SPATA31D1: variants seen among roughly 807,000 people sequenced by gnomAD.
SPATA31D1 encodes the protein SPATA31 subfamily D member 1.
SPATA31D1 carries 6 observed loss-of-function variants against 13.2 expected under a neutral mutation model. The observed-to-expected ratio is 0.46, with a 90% CI of 0.25 to 0.90. SPATA31D1 has a LOEUF of 0.90. SPATA31D1 is among the 40% of genes least tolerant of loss of function. The pLI is 0.18. For synonymous variants in SPATA31D1, 903 were observed against 718.8 expected (o/e 1.26, Z -4.10); for missense variants, 2,445 against 1,884.7 (o/e 1.30, Z -5.50).
At chr9:81,988,350 T>A (rs979415560), upstream of SPATA31D1, among the ~76,000 whole-genome samples, 19 of 152,184 alleles carry the variant, frequency 1.2e-4, no homozygotes, top group Admixed American at 6.5e-4. Flanking sequence ...TATATCTGCA[T>A]TTATGTAAGG....
At chr9:81,990,551 C>T (rs1824931605) in intron 3 of SPATA31D1, 65 bp downstream of exon 3, 1 of 1,476,888 alleles carries the variant, frequency 6.8e-7, no homozygotes, top group Admixed American at 2.1e-5. Context: ...ACGTTCTATT[C>T]ATTTCAGGGA....
At position 81,992,471 on chromosome 9, in the gene SPATA31D1, T is replaced by C. The variant is rs1346288204; in HGVS notation, c.2001T>C (p.His667=). Residue 667 remains histidine, a synonymous_variant, in exon 4 of 4, where the codon CAT becomes CAC. Coordinates refer to ENST00000344803, the MANE Select transcript of SPATA31D1 (RefSeq NM_001001670.3). The part of the protein sequence containing the change: ...PELVRKSFKV[H]VPISIIPGDF... ...TGGTCAGAAAGTCCTTCAAGGTCCA[T>C]GTTCCGATCTCCATCATTCCTGGAG... 10 of 1,612,054 alleles carry C rather than the reference T, an allele frequency of 6.2e-6. No homozygotes were observed. The highest frequency in any genetic ancestry group is 1.1e-5 in the South Asian group (1 of 91,012).
Position 81,990,434 on chromosome 9 carries a change from A to G in SPATA31D1, c.250A>G (p.Ser84Gly). The change falls in exon 3 of 4, where the codon AGT becomes GGT. Residue 84 changes from serine to glycine, a missense_variant. Transcript: ENST00000344803. The stretch of plus-strand genomic sequence containing the variant: ...CTATTCAGGTTTCCCAGACTGGAAA[A>G]GTTTCCAGAGAGAAGAGGAAGAGGA... ...GTFKGFPDWKSFQREEEEERK... is the reference protein window; with the variant it reads ...GTFKGFPDWKGFQREEEEERK... The G allele has an allele frequency of 6.2e-7, 1 of 1,607,910 alleles. No homozygotes were observed. Among genetic ancestry groups the G allele is most frequent in the Non-Finnish European group, 8.5e-7 (1 of 1,177,064 alleles).
rs1363156785 is a variant in SPATA31D1, at chr9:81,991,301, C to T, written c.831C>T (p.Thr277=). ...SLNTIFSFGS[T]LCQDISQAMN... is the part of the protein sequence containing the mutation. ...ACACCATCTTTTCATTTGGCTCCACCCTATGCCAAGATATTTCGCAGGCCA... is the reference window on the plus strand; with the variant it reads ...ACACCATCTTTTCATTTGGCTCCACTCTATGCCAAGATATTTCGCAGGCCA... Residue 277 remains threonine (T), a synonymous_variant, in exon 4 of 4, where the codon ACC becomes ACT. Transcript: ENST00000344803. The T allele has an allele frequency of 2.5e-6, 4 of 1,614,030 alleles. No homozygotes were observed. The East Asian group carries it at 8.9e-5, about 36-fold the overall frequency.
Position 81,991,096 on chromosome 9 carries a change from C to T in SPATA31D1, c.626C>T (p.Ala209Val). 1.2e-6 allele frequency: 2 copies of T among 1,613,714 alleles called. No homozygotes were observed. The highest frequency in any genetic ancestry group is 1.1e-5 in the South Asian group (1 of 91,072). ...ILSPDLITTLADLFSPSPLRD... is the reference protein window; with the variant it reads ...ILSPDLITTLVDLFSPSPLRD... ...TCACCTGACCTGATCACCACCTTAGCTGACTTATTTTCACCCTCACCACTG... is the reference window on the plus strand; with the variant it reads ...TCACCTGACCTGATCACCACCTTAGTTGACTTATTTTCACCCTCACCACTG... Residue 209 changes from alanine (A) to valine (V), a missense_variant, in exon 4 of 4, where the codon GCT becomes GTT. By Grantham distance (64) the Ala-to-Val change is moderately conservative (BLOSUM62 0). Coordinates refer to ENST00000344803, the MANE Select transcript of SPATA31D1 (RefSeq NM_001001670.3).
In SPATA31D1 at chr9:81,988,966, T is replaced by C; in HGVS notation, c.148T>C (p.Tyr50His). The change falls in exon 1 of 4, where the codon TAT becomes CAT. Residue 50 changes from tyrosine to histidine, a missense_variant. Coordinates refer to ENST00000344803, the MANE Select transcript of SPATA31D1 (RefSeq NM_001001670.3). ...CTTGTTCTACGTGGTATTGACCCTG[T>C]ATTCGTCACCCACCGAAAAAAATAA... The part of the protein sequence containing the change: ...LYLFYVVLTL[Y>H]SSPTEKNNDI... 1.2e-6 allele frequency: 2 copies of C among 1,611,672 alleles called. No homozygotes were observed. Among genetic ancestry groups the C allele is most frequent in the Non-Finnish European group, 1.7e-6 (2 of 1,179,636 alleles).
Position 81,994,820 on chromosome 9 carries a change from A to G in SPATA31D1, c.4350A>G (p.Arg1450=), listed in dbSNP as rs766827428. ...KAQHNPEVHV[R]AEPVQGCPCN... is the part of the protein sequence containing the mutation. ...AGCACAACCCAGAAGTGCATGTCAGAGCAGAGCCTGTCCAGGGCTGTCCCT... is the reference window on the plus strand; with the variant it reads ...AGCACAACCCAGAAGTGCATGTCAGGGCAGAGCCTGTCCAGGGCTGTCCCT... Residue 1450 remains arginine (R), a synonymous_variant, in exon 4 of 4, where the codon AGA becomes AGG. Coordinates refer to ENST00000344803, the MANE Select transcript of SPATA31D1 (RefSeq NM_001001670.3). 45 of 1,613,826 alleles carry G rather than the reference A, an allele frequency of 2.8e-5. No individual in the cohort carries two copies. In the East Asian group the frequency reaches 9.1e-4, roughly 33 times the overall value.
Position 81,994,427 on chromosome 9 carries a change from G to C in SPATA31D1, c.3957G>C (p.Lys1319Asn), listed in dbSNP as rs1202359767. 1.9e-6 allele frequency: 3 copies of C among 1,613,638 alleles called. No individual in the cohort carries two copies. The African/African-American group carries it at 4.0e-5, about 22-fold the overall frequency. The change falls in exon 4 of 4, where the codon AAG (lysine) becomes AAC (asparagine). Residue 1319 changes from lysine to asparagine, a missense_variant. Coordinates refer to ENST00000344803, the MANE Select transcript of SPATA31D1 (RefSeq NM_001001670.3). ...TGGGGACATCCCAACGCAGGAGAAA[G>C]AGCCTCCCTGTTCATAACAAGACAT... ...AGLGTSQRRR[K>N]SLPVHNKTSG...
Position 81,994,354 on chromosome 9 carries a change from G to C in SPATA31D1, c.3884G>C (p.Ser1295Thr). The change falls in exon 4 of 4, where the codon AGT becomes ACT. Residue 1295 changes from serine (S) to threonine (T), a missense_variant. Physicochemically the swap from Ser to Thr is moderately conservative, Grantham distance 58. Transcript: ENST00000344803. The part of the protein sequence containing the change: ...TNFPPAVNRV[S>T]PVRPKGGELD... The stretch of plus-strand genomic sequence containing the variant: ...TTCCCACCAGCTGTAAACAGAGTGA[G>C]TCCTGTGAGACCCAAAGGAGGAGAG... The C allele has an allele frequency of 6.2e-7, 1 of 1,613,968 alleles. No individual in the cohort carries two copies. The highest frequency in any genetic ancestry group is 8.5e-7 in the Non-Finnish European group (1 of 1,179,868).
chr9:81,995,068 G>C lies in SPATA31D1; in HGVS notation c.4598G>C (p.Arg1533Pro). The stretch of plus-strand genomic sequence containing the variant: ...CCACATCCAAACCCCACTTGCCGGC[G>C]TCAGGTCAGCCTGGTGTGTCCAGCC... ...PVPHPNPTCR[R>P]QVSLVCPAVP... Residue 1533 changes from arginine to proline, a missense_variant, in exon 4 of 4, where the codon CGT (arginine) becomes CCT (proline). Coordinates refer to ENST00000344803, the MANE Select transcript of SPATA31D1 (RefSeq NM_001001670.3). 6.2e-7 allele frequency: 1 copy of C among 1,613,170 alleles called. No homozygotes were observed. Among genetic ancestry groups the C allele is most frequent in the East Asian group, 2.2e-5 (1 of 44,834 alleles).
rs2133439847 is a variant in SPATA31D1 at position 81,991,706 on chromosome 9, G to A, written c.1236G>A (p.Leu412=). Reference sequence around the variant, plus strand: ...TCTCATTTCTCAGCCATGACATTCTGGCACTCCTGGAGAGACAAGTCAAAA... The same window carrying A: ...TCTCATTTCTCAGCCATGACATTCTAGCACTCCTGGAGAGACAAGTCAAAA... ...VNISFLSHDI[L]ALLERQVKKR... The change falls in exon 4 of 4, where the codon CTG becomes CTA. Residue 412 remains leucine (L), a synonymous_variant. Transcript: ENST00000344803. 1 of 1,613,794 alleles carries A rather than the reference G, an allele frequency of 6.2e-7. No individual in the cohort carries two copies. Among genetic ancestry groups the A allele is most frequent in the East Asian group, 2.2e-5 (1 of 44,864 alleles).
intron 2 of SPATA31D1, 164 bp downstream of exon 2, chr9:81,989,987 T>C: frequency 2.7e-6 from 2 of 744,400 alleles, no homozygotes; most frequent in Admixed American, 2.9e-5. Context: ...CCTGAGACAC[T>C]GCTCAGAGGC....
Position 81,991,242 on chromosome 9 carries a change from T to C in SPATA31D1, c.772T>C (p.Ser258Pro), listed in dbSNP as rs200253689. The change falls in exon 4 of 4, where the codon TCC (serine) becomes CCC (proline). Residue 258 changes from serine (S) to proline (P), a missense_variant. Ser to Pro is a moderately conservative substitution (Grantham distance 74). Transcript: ENST00000344803. ...ACCACATCACATTGAGAGAGTGGAG[T>C]CCAGCCTCCAACCTGAAGCCAGTTT... ...LPPHHIERVESSLQPEASLSL... is the reference protein window; with the variant it reads ...LPPHHIERVEPSLQPEASLSL... 2.0e-3 allele frequency: 3,130 copies of C among 1,570,840 alleles called. No homozygotes were observed. In the African/African-American group the frequency reaches 0.032, roughly 16 times the overall value.
Position 81,994,776 on chromosome 9 carries a change from G to A in SPATA31D1, c.4306G>A (p.Val1436Met). 1 of 1,613,984 alleles carries A rather than the reference G, an allele frequency of 6.2e-7. No individual in the cohort carries two copies. Among genetic ancestry groups the A allele is most frequent in the Non-Finnish European group, 8.5e-7 (1 of 1,179,884 alleles). ...TCCCCAAGAGCCCCTTTCCTTCCCA[G>A]TGGGGCTTGGGAAAGCTCAGCACAA... ...TCPQEPLSFPVGLGKAQHNPE... is the reference protein window; with the variant it reads ...TCPQEPLSFPMGLGKAQHNPE... Residue 1436 changes from valine to methionine, a missense_variant, in exon 4 of 4, where the codon GTG (valine) becomes ATG (methionine). Coordinates refer to ENST00000344803, the MANE Select transcript of SPATA31D1 (RefSeq NM_001001670.3).
Position 81,993,682 on chromosome 9 carries a change from C to T in SPATA31D1, c.3212C>T (p.Thr1071Ile). 1.9e-6 allele frequency: 3 copies of T among 1,614,024 alleles called. No individual in the cohort carries two copies. The highest frequency in any genetic ancestry group is 2.2e-5 in the South Asian group (2 of 91,084). ...ACCCTGAGAAGAGAATTCTCTGATA[C>T]TGACAATGATCTTACAGAAAGTGTC... ...QGTLRREFSDTDNDLTESVRT... is the reference protein window; with the variant it reads ...QGTLRREFSDIDNDLTESVRT... Residue 1071 changes from threonine to isoleucine, a missense_variant, in exon 4 of 4, where the codon ACT (threonine) becomes ATT (isoleucine). Physicochemically the swap from Thr to Ile is moderately conservative, Grantham distance 89 (BLOSUM62 -1). Coordinates refer to ENST00000344803, the MANE Select transcript of SPATA31D1 (RefSeq NM_001001670.3).
chr9:81,989,837 G>T lies in SPATA31D1; in HGVS notation c.232+14G>T, dbSNP rs776104130. 1 of 1,613,084 alleles carries T rather than the reference G, an allele frequency of 6.2e-7. No individual in the cohort carries two copies. Among genetic ancestry groups the T allele is most frequent in the Non-Finnish European group, 8.5e-7 (1 of 1,179,338 alleles). ...GGACATTCAAAGGTAATGTCAGCCT[G>T]CTCTATCTGAGCTTCAGGGGTGACC... On this transcript the variant is annotated intron_variant, in intron 2 of 3. Transcript: ENST00000344803.
chr9:81,991,055 A>C lies in SPATA31D1; in HGVS notation c.585A>C (p.Pro195=), dbSNP rs745507829. 1.2e-6 allele frequency: 2 copies of C among 1,610,274 alleles called. No homozygotes were observed. Among genetic ancestry groups the C allele is most frequent in the Non-Finnish European group, 1.7e-6 (2 of 1,178,930 alleles). The change falls in exon 4 of 4, where the codon CCA becomes CCC. Residue 195 remains proline (P), a synonymous_variant. Transcript: ENST00000344803. ...CCCCTCGGCCTAAGGCCTCTCCACC[A>C]CCCCCCTTAATTCTCTCACCTGACC... ...ILSPRPKASP[P]PPLILSPDLI...
rs554538751 is a variant in SPATA31D1 at position 81,993,367 on chromosome 9, G to T, written c.2897G>T (p.Arg966Leu). The change falls in exon 4 of 4, where the codon CGA (arginine) becomes CTA (leucine). Residue 966 changes from arginine (R) to leucine (L), a missense_variant. By Grantham distance (102) the Arg-to-Leu change is moderately radical. Coordinates refer to ENST00000344803, the MANE Select transcript of SPATA31D1 (RefSeq NM_001001670.3). ...SKDGVSKSRS[R>L]STFQGEKLGT... is the part of the protein sequence containing the mutation. ...GATGGGGTCTCTAAGTCCCGTAGTC[G>T]AAGCACTTTTCAAGGAGAAAAGTTG... The T allele has an allele frequency of 4.3e-6, 7 of 1,613,912 alleles. No individual in the cohort carries two copies. In the East Asian group the frequency reaches 1.6e-4, roughly 36 times the overall value.
At chr9:81,988,743 A>T (rs1824895636), upstream of SPATA31D1, 1 of 1,607,004 alleles carries the variant, frequency 6.2e-7, no homozygotes, top group Non-Finnish European at 8.5e-7. Context: ...ATGCTCTGTG[A>T]TGCAGGCCTG....
Sources: gnomAD v4.1 joint callset for allele counts (sites outside exome capture counted in the v4.1 genomes callset) on GRCh38, gnomAD v4.1.1 for gene constraint, MANE v1.5 for transcripts, NCBI Gene and HGNC (gene_info 2026-07-23, HGNC 2026-07-21) for gene names.